The following SUN1 variants were observed in gnomAD, a reference collection of about 807,000 sequenced individuals.
The protein encoded by SUN1 is Sad1 and UNC84 domain containing 1.
SUN1 carries 61 observed loss-of-function variants against 103.2 expected under a neutral mutation model. That is an observed-to-expected ratio of 0.59 (90% CI 0.48 to 0.73). The LOEUF (loss-of-function observed/expected upper bound fraction) is 0.73, where lower values mean the gene tolerates loss of function less well. SUN1 is among the 30% of genes least tolerant of loss of function. SUN1 has a pLI of 0.00. For missense variants in SUN1, 1,052 were observed against 1,034.6 expected, an observed-to-expected ratio of 1.02 and a Z score of -0.23; for synonymous variants, 490 against 425.7, an observed-to-expected ratio of 1.15 and a Z score of -1.86.
Position 856,408 on chromosome 7 carries a change from G to A in SUN1, c.1394+7G>A. On this transcript the variant is annotated splice_region_variant and intron_variant, in intron 12 of 18. Transcript: ENST00000401592. ...CCAAGCAAAAAACAATCAGGTAGGAGGATTTGGAAAACATTCACTTTTGTC... is the reference window on the plus strand; with the variant it reads ...CCAAGCAAAAAACAATCAGGTAGGAAGATTTGGAAAACATTCACTTTTGTC... The A allele has an allele frequency of 1.2e-6, 2 of 1,614,112 alleles. No homozygotes were observed. Among genetic ancestry groups the A allele is most frequent in the Non-Finnish European group, 1.7e-6 (2 of 1,179,978 alleles).
chr7:853,746 C>G, intron 10 of SUN1, 128 bp downstream of exon 10: 10 of 1,076,436 alleles, frequency 9.3e-6, no homozygotes, highest in Non-Finnish European at 1.3e-5. Context: ...CCTTTCTGTT[C>G]TTAGTTGTTG....
At chr7:835,344 C>T (rs928065297) in intron 1 of SUN1, among the ~76,000 whole-genome samples, 1 of 152,240 alleles carries the variant, frequency 6.6e-6, no homozygotes, top group Non-Finnish European at 1.5e-5. Flanking sequence ...TGGAACTTCA[C>T]TGGATTCTTT....
At chr7:863,292 GCT>G (rs1833748224) in intron 15 of SUN1, among the ~76,000 whole-genome samples, 6 of 149,446 alleles carry the variant, frequency 4.0e-5, no homozygotes, top group Admixed American at 6.7e-5. Context: ...GCCCTCCCGA[GCT>G]CGCCCTTGCT....
At chr7:840,090 C>T (rs553423970) in intron 2 of SUN1, among the ~76,000 whole-genome samples, 18 of 152,212 alleles carry the variant, frequency 1.2e-4, no homozygotes, top group Non-Finnish European at 2.2e-4. Context: ...TTCCAGTCAT[C>T]TTTCTCTCGA....
At chr7:836,148 T>C (rs1802876700) in intron 1 of SUN1, among the ~76,000 whole-genome samples, 1 of 151,988 alleles carries the variant, frequency 6.6e-6, no homozygotes, top group African/African-American at 2.4e-5. Flanking sequence ...TTTTTTACCG[T>C]GGGCTGAGCC....
chr7:816,449 C>T (rs1336207160), upstream of SUN1, among the ~76,000 whole-genome samples: 4 of 146,288 alleles, frequency 2.7e-5, no homozygotes, highest in African/African-American at 1.0e-4. Flanking sequence ...CCCTCCCTCT[C>T]CCCCTCCCCT....
intron 1 of SUN1, among the ~76,000 whole-genome samples, chr7:824,103 G>A (rs1789039741): frequency 6.6e-6 from 1 of 152,216 alleles, no homozygotes; most frequent in Non-Finnish European, 1.5e-5. Flanking sequence ...AGTCACCTGG[G>A]TGAAGTTAAG....
At chr7:839,025 C>A in intron 2 of SUN1, 39 bp downstream of exon 2, 1 of 1,482,806 alleles carries the variant, frequency 6.7e-7, no homozygotes, top group Non-Finnish European at 8.9e-7. Flanking sequence ...TGATCTCTAA[C>A]ACCAGTTAAA....
At chr7:851,663 G>T in intron 6 of SUN1, 181 bp downstream of exon 6, 1 of 677,990 alleles carries the variant, frequency 1.5e-6, no homozygotes, top group African/African-American at 1.8e-5. Flanking sequence ...CTGCATGAGC[G>T]CCCTTGGTTT....
At chr7:850,303 A>G (rs1313614697) in intron 5 of SUN1, 4 of 410,910 alleles carry the variant, frequency 9.7e-6, no homozygotes, top group African/African-American at 4.1e-5. Context: ...AGTTCAAGCA[A>G]TTCTCCTGCC....
At position 857,853 on chromosome 7, in the gene SUN1, A is replaced by C. The variant is rs781596220; in HGVS notation, c.1420A>C (p.Thr474Pro). The change falls in exon 13 of 19, where the codon ACA becomes CCA. Residue 474 changes from threonine (T) to proline (P), a missense_variant. Physicochemically the swap from Thr to Pro is conservative, Grantham distance 38. This residue lies in a region of SUN1 where 846 missense variants were observed against 774.5 expected (regional missense o/e 1.09). Transcript: ENST00000401592. ...ISAVGEQLLPTVEHLQLELDQ... is the reference protein window; with the variant it reads ...ISAVGEQLLPPVEHLQLELDQ... ...TGCGGTTGGTGAGCAGCTCCTGCCC[A>C]CAGTCGAGCACCTCCAGCTGGAGCT... 12 of 1,591,982 alleles carry C rather than the reference A, an allele frequency of 7.5e-6. No homozygotes were observed. The Admixed American group carries it at 1.6e-4, about 21-fold the overall frequency.
At chr7:858,039 G>A in intron 13 of SUN1, 82 bp downstream of exon 13, 15 of 1,412,964 alleles carry the variant, frequency 1.1e-5, no homozygotes, top group Non-Finnish European at 1.4e-5. Flanking sequence ...TTTATTAGCT[G>A]TTTAATTTTT....
intron 2 of SUN1, among the ~76,000 whole-genome samples, chr7:840,633 T>C (rs1808587832): frequency 7.7e-6 from 1 of 129,918 alleles, no homozygotes; most frequent in African/African-American, 2.9e-5. Context: ...TTTTTGACCA[T>C]CTATTCTTTT....
intron 12 of SUN1, 38 bp downstream of exon 12, chr7:856,439 T>G (rs775769519): frequency 1.3e-6 from 2 of 1,574,568 alleles, no homozygotes; most frequent in African/African-American, 1.4e-5. Flanking sequence ...TTGTCTTCGG[T>G]GTGTGTGTGT....
intron 2 of SUN1, among the ~76,000 whole-genome samples, chr7:839,438 G>A (rs141217535): frequency 6.6e-6 from 1 of 152,366 alleles, no homozygotes; most frequent in African/African-American, 2.4e-5. Flanking sequence ...AGGGTGGAAT[G>A]CAGTGGCACG....
intron 2 of SUN1, among the ~76,000 whole-genome samples, chr7:841,649 A>C (rs1395723483): frequency 6.6e-6 from 1 of 152,072 alleles, no homozygotes; most frequent in Non-Finnish European, 1.5e-5. Context: ...AGATGTTTTT[A>C]TTTTCAGATC....
Position 865,965 on chromosome 7 carries a change from G to C in SUN1, c.1878G>C (p.Leu626Phe). 1 of 1,614,090 alleles carries C rather than the reference G, an allele frequency of 6.2e-7. No homozygotes were observed. Among genetic ancestry groups the C allele is most frequent in the Non-Finnish European group, 8.5e-7 (1 of 1,179,982 alleles). ...FALESGGGSI[L>F]STRCSETYET... ...CTTTGCTTTAAGGTGGCAGCATCTT[G>C]AGTACTCGCTGTTCTGAAACTTACG... Residue 626 changes from leucine to phenylalanine, a missense_variant, in exon 16 of 19, where the codon TTG becomes TTC. Transcript: ENST00000401592.
upstream of SUN1, chr7:831,121 A>T (rs1797531315): frequency 5.1e-6 from 3 of 586,876 alleles, no homozygotes; most frequent in South Asian, 2.2e-4. Flanking sequence ...TATTACGTGG[A>T]TTAAGTGATC....
chr7:817,427 G>A (rs1781779602), intron 1 of SUN1: 1 of 1,535,982 alleles, frequency 6.5e-7, no homozygotes, highest in East Asian at 2.4e-5. Flanking sequence ...AATAAGCAGC[G>A]GCGGGGAACA....
Sources: gnomAD v4.1 joint callset for allele counts (sites outside exome capture counted in the v4.1 genomes callset) on GRCh38, gnomAD v4.1.1 for gene constraint, gnomAD v4.1.1 regional missense constraint, MANE v1.5 for transcripts, NCBI Gene and HGNC (gene_info 2026-07-23, HGNC 2026-07-21) for gene names.